The following PTP4A1 variants were observed in gnomAD, a reference collection of about 807,000 sequenced individuals.
PTP4A1 encodes protein tyrosine phosphatase type IVA 1.
A neutral mutation model predicts 20.5 loss-of-function variants in PTP4A1; 9 were observed. The ratio of observed to expected loss-of-function variants is 0.44; its 90% CI spans 0.26 to 0.77. The LOEUF is 0.77. PTP4A1 is among the 30% of genes least tolerant of loss of function. The probability of loss-of-function intolerance (pLI) is 0.19; values close to 1 mark genes in which losing one functional copy is unlikely to be tolerated. For synonymous variants in PTP4A1, 78 were observed against 67.4 expected, an observed-to-expected ratio of 1.16 and a Z score of -0.77; for missense variants, 137 against 218.8, an observed-to-expected ratio of 0.63 and a Z score of 2.36.
chr6:63,530,912 G>A (rs533275436), intron 2 of PTP4A1, among the ~76,000 whole-genome samples: 89 of 152,132 alleles, frequency 5.9e-4, no homozygotes, highest in African/African-American at 2.1e-3. Flanking sequence ...TGATTAGAAT[G>A]GTTTCCATAC....
At chr6:63,542,714 C>A (rs1028138384) in intron 2 of PTP4A1, among the ~76,000 whole-genome samples, 1 of 152,134 alleles carries the variant, frequency 6.6e-6, no homozygotes, top group Admixed American at 6.6e-5. Context: ...TCACCGACTG[C>A]TTTTTTGAAA....
intron 2 of PTP4A1, among the ~76,000 whole-genome samples, chr6:63,538,431 T>G (rs1200464845): frequency 2.0e-5 from 3 of 152,254 alleles, no homozygotes; most frequent in Non-Finnish European, 4.4e-5. Flanking sequence ...ATGTTGGATA[T>G]TCTGTGTTTT....
chr6:63,548,556 C>T (rs1776301301), intron 2 of PTP4A1, among the ~76,000 whole-genome samples: 1 of 152,194 alleles, frequency 6.6e-6, no homozygotes, highest in Admixed American at 6.6e-5. Context: ...TTCTATTCCT[C>T]TCTCCAAGCA....
chr6:63,531,926 G>A (rs141581380), intron 2 of PTP4A1, among the ~76,000 whole-genome samples: 145 of 151,132 alleles, frequency 9.6e-4, no homozygotes, highest in Non-Finnish European at 1.5e-3. Context: ...TCAGCCTCCC[G>A]AGTAGCTGGA....
At chr6:63,555,894 A>G (rs1211730806) in intron 3 of PTP4A1, among the ~76,000 whole-genome samples, 2 of 152,040 alleles carry the variant, frequency 1.3e-5, no homozygotes, top group East Asian at 3.9e-4. Flanking sequence ...GGGTTTCGCT[A>G]TGTTGGCCAG....
At chr6:63,545,055 C>A (rs1223491124) in intron 2 of PTP4A1, among the ~76,000 whole-genome samples, 1 of 152,186 alleles carries the variant, frequency 6.6e-6, no homozygotes, top group African/African-American at 2.4e-5. Flanking sequence ...TCTGCCATTT[C>A]TTCAACATGT....
chr6:63,541,594 A>G (rs963038149), intron 2 of PTP4A1, among the ~76,000 whole-genome samples: 38 of 152,140 alleles, frequency 2.5e-4, no homozygotes, highest in African/African-American at 9.2e-4. Context: ...AAGGAATATC[A>G]GATTTTAGGA....
chr6:63,521,901 T>C (rs1180622133), intron 1 of PTP4A1: 1 of 152,208 alleles, frequency 6.6e-6, no homozygotes, highest in African/African-American at 2.4e-5. Context: ...GGGAATCTTA[T>C]AAAAATATAT....
chr6:63,546,844 C>T (rs1474005261), intron 2 of PTP4A1, among the ~76,000 whole-genome samples: 1 of 151,958 alleles, frequency 6.6e-6, no homozygotes, highest in African/African-American at 2.4e-5. Flanking sequence ...TAAATTTTCT[C>T]ATCTCAAAAA....
intron 2 of PTP4A1, among the ~76,000 whole-genome samples, chr6:63,531,080 T>C (rs1775436836): frequency 6.6e-6 from 1 of 152,212 alleles, no homozygotes; most frequent in Admixed American, 6.5e-5. Context: ...ATATTGTGTG[T>C]CCAAAGATAG....
upstream of PTP4A1, among the ~76,000 whole-genome samples, chr6:63,567,685 G>GAACT (rs1386156196): frequency 6.6e-6 from 1 of 152,208 alleles, no homozygotes; most frequent in Non-Finnish European, 1.5e-5. Context: ...CCTAACAAGA[G>GAACT]AACTGCCTGT....
chr6:63,572,437 A>C (rs971876921), upstream of PTP4A1: 6 of 369,068 alleles, frequency 1.6e-5, no homozygotes, highest in East Asian at 3.9e-5. Context: ...GGAGGGTTGC[A>C]CGTCGCGCCG....
intron 3 of PTP4A1, among the ~76,000 whole-genome samples, chr6:63,552,353 T>C (rs1238108828): frequency 6.6e-6 from 1 of 152,248 alleles, no homozygotes; most frequent in Non-Finnish European, 1.5e-5. Context: ...TGTCTGTTCA[T>C]GTCCTTTACC....
Position 63,582,441 on chromosome 6 carries a change from C to T in PTP4A1, c.*2267C>T, listed in dbSNP as rs980491818. 1.3e-5 allele frequency: 2 copies of T among 152,444 alleles called. No homozygotes were observed. The highest frequency in any genetic ancestry group is 2.9e-5 in the Non-Finnish European group (2 of 68,004). The allele number at this position is 152,444 out of a possible 1,614,324, so 9.4% of individuals were successfully genotyped here. A position where few individuals can be genotyped will look rare whatever the true frequency, so the allele number is the denominator to read the frequency against. On this transcript the variant is annotated 3_prime_UTR_variant, in exon 6 of 6. Coordinates refer to ENST00000626021, the MANE Select transcript of PTP4A1 (RefSeq NM_003463.5). ...TTATAAACCTTATCTGTACATTATACGATGTGATGAAATTTGCTTTTTATC... is the reference window on the plus strand; with the variant it reads ...TTATAAACCTTATCTGTACATTATATGATGTGATGAAATTTGCTTTTTATC...
chr6:63,577,528 A>G (rs941138179), intron 2 of PTP4A1, among the ~76,000 whole-genome samples: 3 of 152,186 alleles, frequency 2.0e-5, no homozygotes, highest in African/African-American at 4.8e-5. Flanking sequence ...AGAAATAGCA[A>G]ATAGGCCTCT....
intron 2 of PTP4A1, chr6:63,549,459 A>T: frequency 1.3e-6 from 1 of 792,826 alleles, no homozygotes; most frequent in East Asian, 2.5e-5. Flanking sequence ...TCTTCACGAC[A>T]GCAGGGCCGG....
At chr6:63,564,376 AG>A (rs1777097835) in intron 3 of PTP4A1, among the ~76,000 whole-genome samples, 1 of 152,252 alleles carries the variant, frequency 6.6e-6, no homozygotes, top group South Asian at 2.1e-4. Flanking sequence ...AAATACACGA[AG>A]ATAGCAACGT....
At chr6:63,539,898 T>C (rs970435728) in intron 2 of PTP4A1, among the ~76,000 whole-genome samples, 1 of 152,156 alleles carries the variant, frequency 6.6e-6, no homozygotes, top group Non-Finnish European at 1.5e-5. Context: ...AATAATACAG[T>C]GACATAACCC....
upstream of PTP4A1, among the ~76,000 whole-genome samples, chr6:63,519,130 A>T (rs1774831845): frequency 6.6e-6 from 1 of 152,174 alleles, no homozygotes; most frequent in South Asian, 2.1e-4. Flanking sequence ...CAACATGGTG[A>T]AACCCCATCT....
Sources: gnomAD v4.1 joint callset for allele counts (sites outside exome capture counted in the v4.1 genomes callset) on GRCh38, gnomAD v4.1.1 for gene constraint, MANE v1.5 for transcripts, NCBI Gene and HGNC (gene_info 2026-07-23, HGNC 2026-07-21) for gene names.